VWA8: variants seen among roughly 807,000 people sequenced by gnomAD.
VWA8 encodes von Willebrand factor A domain containing 8, also known as von Willebrand factor A domain-containing protein 8.
Under a neutral mutation model 241.5 loss-of-function variants are expected in VWA8, and 221 were observed. That is an observed-to-expected ratio of 0.91 (90% CI 0.82 to 1.02). The LOEUF is 1.02. Ranked by LOEUF, VWA8 falls within the 50% of genes least tolerant of loss-of-function variation. The pLI, the probability that VWA8 is intolerant of heterozygous loss-of-function variation, is 0.00. For synonymous variants in VWA8, 852 were observed against 827.1 expected, an observed-to-expected ratio of 1.03 and a Z score of -0.52; for missense variants, 2,322 against 2,328.7, an observed-to-expected ratio of 1.00 and a Z score of 0.06.
intron 22 of VWA8, 72 bp from the exon 23 acceptor site, chr13:41,729,749 C>T: frequency 6.8e-7 from 1 of 1,479,294 alleles, no homozygotes; most frequent in East Asian, 2.4e-5. Flanking sequence ...TTACTTACTG[C>T]TTTGGACTTA....
intron 37 of VWA8, among the ~76,000 whole-genome samples, chr13:41,624,934 C>G (rs2139669826): frequency 6.6e-6 from 1 of 152,216 alleles, no homozygotes; most frequent in Non-Finnish European, 1.5e-5. Flanking sequence ...TAGTCTCTGC[C>G]CAAAGGCTCC....
chr13:41,833,290 A>T, intron 13 of VWA8, 81 bp downstream of exon 13: 1 of 1,443,552 alleles, frequency 6.9e-7, no homozygotes, highest in Non-Finnish European at 9.1e-7. Context: ...AAAAAAGAAA[A>T]AGAATGAGAT....
At chr13:41,845,527 G>A (rs1209588010) in intron 12 of VWA8, among the ~76,000 whole-genome samples, 1 of 151,844 alleles carries the variant, frequency 6.6e-6, no homozygotes. Flanking sequence ...TATGTTTACT[G>A]CAGTACTATT....
At chr13:41,744,571 T>C (rs1176136344) in intron 21 of VWA8, among the ~76,000 whole-genome samples, 2 of 150,188 alleles carry the variant, frequency 1.3e-5, no homozygotes, top group Non-Finnish European at 1.5e-5. Flanking sequence ...CAATAAGGAA[T>C]GGCATTTTAT....
intron 12 of VWA8, among the ~76,000 whole-genome samples, chr13:41,850,585 A>G (rs1872490647): frequency 6.6e-6 from 1 of 152,214 alleles, no homozygotes; most frequent in African/African-American, 2.4e-5. Flanking sequence ...CTTAGTTGAT[A>G]GGCCCACTCA....
intron 1 of VWA8, among the ~76,000 whole-genome samples, chr13:41,957,411 T>C (rs1878398259): frequency 6.6e-6 from 1 of 152,174 alleles, no homozygotes; most frequent in Non-Finnish European, 1.5e-5. Context: ...CCTCTTTTTC[T>C]TCATAAATTA....
At chr13:41,574,418 A>G (rs1201947688) in intron 43 of VWA8, among the ~76,000 whole-genome samples, 1 of 147,108 alleles carries the variant, frequency 6.8e-6, no homozygotes, top group Non-Finnish European at 1.5e-5. Flanking sequence ...GAAAGAAATC[A>G]TAGATGACAC....
intron 25 of VWA8, among the ~76,000 whole-genome samples, chr13:41,720,453 T>C (rs1344152432): frequency 3.3e-5 from 5 of 152,184 alleles, no homozygotes; most frequent in African/African-American, 1.2e-4. Context: ...TGGGGTACAA[T>C]GTGATATTCC....
chr13:41,637,546 T>C (rs1248896788), intron 37 of VWA8, among the ~76,000 whole-genome samples: 4 of 151,566 alleles, frequency 2.6e-5, no homozygotes, highest in Non-Finnish European at 4.4e-5. Flanking sequence ...ACATGTACCC[T>C]AGAACTTAAA....
intron 16 of VWA8, 36 bp from the exon 17 acceptor site, chr13:41,811,376 G>C (rs750558775): frequency 1.3e-6 from 2 of 1,544,542 alleles, no homozygotes; most frequent in South Asian, 1.2e-5. Context: ...TAAGAGTCTT[G>C]TTTCAACTTG....
At chr13:41,699,327 A>G (rs1268763483) in intron 28 of VWA8, 57 bp from the exon 29 acceptor site, 1 of 1,535,966 alleles carries the variant, frequency 6.5e-7, no homozygotes, top group Non-Finnish European at 9.0e-7. Flanking sequence ...CTAATTGGCC[A>G]AGAGGTCTAG....
chr13:41,866,036 C>G lies in VWA8; in HGVS notation c.1213G>C (p.Val405Leu). The G allele has an allele frequency of 6.2e-7, 1 of 1,613,690 alleles. No homozygotes were observed. ...RIADKEVTIK[V>L]PAGTRLLSQP... The stretch of plus-strand genomic sequence containing the variant: ...CTTAATAGCCTGGTCCCGGCTGGCA[C>G]CTATAATTAAAGAGAGGTCAATATA... Residue 405 changes from valine (V) to leucine (L), a missense_variant and splice_region_variant, in exon 11 of 45, where the codon GTG (valine) becomes CTG (leucine). Physicochemically the swap from Val to Leu is conservative, Grantham distance 32 (BLOSUM62 1). Transcript: ENST00000379310.
chr13:41,881,885 G>A (rs1245124914), intron 9 of VWA8, among the ~76,000 whole-genome samples: 10 of 148,754 alleles, frequency 6.7e-5, no homozygotes, highest in Non-Finnish European at 3.0e-5. Flanking sequence ...CCCGGACGGG[G>A]CGGCTGGCCT....
intron 43 of VWA8, among the ~76,000 whole-genome samples, chr13:41,573,551 A>T (rs1566372462): frequency 6.9e-6 from 1 of 145,562 alleles, no homozygotes; most frequent in African/African-American, 2.6e-5. Context: ...GTATATATAA[A>T]ATATATACAC....
intron 19 of VWA8, among the ~76,000 whole-genome samples, chr13:41,781,126 A>G (rs1454160484): frequency 6.6e-6 from 1 of 152,172 alleles, no homozygotes; most frequent in Non-Finnish European, 1.5e-5. Context: ...AAGTTAGCCA[A>G]AGTACAAATG....
At chr13:41,741,174 C>T (rs1340815998) in intron 21 of VWA8, among the ~76,000 whole-genome samples, 1 of 152,174 alleles carries the variant, frequency 6.6e-6, no homozygotes, top group East Asian at 1.9e-4. Flanking sequence ...TGAAGACTGG[C>T]CTTTTTAGCA....
At chr13:41,947,364 G>A (rs1319782957) in intron 2 of VWA8, among the ~76,000 whole-genome samples, 1 of 152,216 alleles carries the variant, frequency 6.6e-6, no homozygotes, top group Non-Finnish European at 1.5e-5. Flanking sequence ...ACTAAGATTA[G>A]ATCAAGAAAT....
chr13:41,806,876 C>CAAAAAAAAAAAAAA (rs78099965), intron 17 of VWA8, among the ~76,000 whole-genome samples: 1 of 93,620 alleles, frequency 1.1e-5, no homozygotes. Context: ...GACTCCATCT[C>CAAAAAAAAAAAAAA]AAAAAAAAAA....
intron 14 of VWA8, among the ~76,000 whole-genome samples, chr13:41,829,504 C>T (rs560153295): frequency 6.8e-6 from 1 of 147,460 alleles, no homozygotes; most frequent in East Asian, 2.0e-4. Flanking sequence ...GTGCCTATAA[C>T]CAACGAGTGG....
Sources: allele counts gnomAD v4.1 joint callset (sites outside exome capture counted in the v4.1 genomes callset), GRCh38; gene constraint gnomAD v4.1.1; transcripts MANE v1.5; gene names NCBI Gene and HGNC (gene_info 2026-07-23, HGNC 2026-07-21).